PACRG: variants seen among roughly 807,000 people sequenced by gnomAD.
PACRG encodes parkin coregulated gene protein.
PACRG carries 29 observed loss-of-function variants against 29.7 expected under a neutral mutation model. That is an observed-to-expected ratio of 0.98 (90% CI 0.73 to 1.33). The LOEUF is 1.33. Ranked by LOEUF, PACRG falls within the 40% of genes most tolerant of loss-of-function variation. PACRG has a pLI of 0.00. For synonymous variants in PACRG, 116 were observed against 118.7 expected (o/e 0.98, Z 0.15); for missense variants, 279 against 316.2 (o/e 0.88, Z 0.89).
intron 4 of PACRG, among the ~76,000 whole-genome samples, chr6:163,197,652 T>A (rs1169131295): frequency 6.6e-6 from 1 of 151,796 alleles, no homozygotes. Flanking sequence ...GGTTTCACCG[T>A]GTTAGCCAGG....
upstream of PACRG, chr6:162,727,790 C>G: frequency 9.2e-7 from 1 of 1,090,136 alleles, no homozygotes; most frequent in East Asian, 2.6e-5. Flanking sequence ...CCCCCGCGCC[C>G]GGCCCTAGGA....
chr6:163,269,992 AAAGAAAGAAAGAAAGG>A lies in PACRG; in HGVS notation c.614-44833_614-44818del, dbSNP rs1184672146. Reference sequence around the variant, plus strand: ...GAAAGAAAGAAAGAAAGAAAGAAAGAAAGAAAGAAAGAAAGGAGGGAGGGAGGGAGGGAGGAAGGAA... The same window carrying A: ...GAAAGAAAGAAAGAAAGAAAGAAAGAAGGGAGGGAGGGAGGGAGGAAGGAA... On this transcript the variant is annotated intron_variant, in intron 4 of 4. Coordinates refer to ENST00000366888, the MANE Select transcript of PACRG (RefSeq NM_001080379.2). 3.0e-3 allele frequency among the ~76,000 whole-genome samples: 349 copies of A among 114,828 alleles called. 68 individuals are homozygous for A. Among genetic ancestry groups the A allele is most frequent in the African/African-American group, 0.011 (339 of 30,916 alleles). 75.3% of individuals were successfully genotyped at this position (114,828 alleles called of 152,430 possible).
intron 2 of PACRG, among the ~76,000 whole-genome samples, chr6:162,920,869 G>A (rs997212955): frequency 6.6e-6 from 1 of 151,802 alleles, no homozygotes; most frequent in African/African-American, 2.4e-5. Flanking sequence ...TAGATAATAG[G>A]GAGAACAAAT....
intron 2 of PACRG, among the ~76,000 whole-genome samples, chr6:162,838,668 T>A (rs999686897): frequency 2.0e-5 from 3 of 151,786 alleles, no homozygotes; most frequent in African/African-American, 4.8e-5. Flanking sequence ...TGTATACATA[T>A]GCCATGCTGG....
chr6:163,072,804 A>G (rs1420306813), intron 3 of PACRG, among the ~76,000 whole-genome samples: 1 of 152,186 alleles, frequency 6.6e-6, no homozygotes, highest in Non-Finnish European at 1.5e-5. Context: ...GCATTTCCAT[A>G]TACCAAGAGT....
At chr6:163,046,762 C>T (rs1026377526) in intron 2 of PACRG, 5 of 152,168 alleles carry the variant, frequency 3.3e-5, no homozygotes, top group Admixed American at 6.5e-5. Flanking sequence ...TAACTGGCCC[C>T]ATCTCTCCCT....
chr6:163,218,710 C>T (rs1781462443), intron 4 of PACRG, among the ~76,000 whole-genome samples: 1 of 152,206 alleles, frequency 6.6e-6, no homozygotes, highest in South Asian at 2.1e-4. Context: ...CTCCTCCCAG[C>T]TCACAGGTCG....
intron 1 of PACRG, among the ~76,000 whole-genome samples, chr6:162,753,378 T>C (rs1211764020): frequency 6.6e-6 from 1 of 152,024 alleles, no homozygotes; most frequent in Non-Finnish European, 1.5e-5. Flanking sequence ...GCCCTGATAA[T>C]TTCATGTAGC....
intron 4 of PACRG, among the ~76,000 whole-genome samples, chr6:163,259,292 A>G (rs1175731640): frequency 2.0e-5 from 3 of 152,222 alleles, no homozygotes; most frequent in African/African-American, 7.2e-5. Context: ...AATAACTGCT[A>G]TGGGGAGAGA....
intron 4 of PACRG, among the ~76,000 whole-genome samples, chr6:163,213,185 A>G (rs1243237964): frequency 6.6e-6 from 1 of 152,176 alleles, no homozygotes; most frequent in Non-Finnish European, 1.5e-5. Context: ...TCTGCCAGAA[A>G]TGCAAAACCT....
chr6:163,268,792 TTTTC>T (rs1783630568), intron 4 of PACRG, among the ~76,000 whole-genome samples: 1 of 152,210 alleles, frequency 6.6e-6, no homozygotes, highest in Non-Finnish European at 1.5e-5. Flanking sequence ...GCTATCATGT[TTTTC>T]TTTCTTTGAG....
chr6:162,892,540 C>T (rs1041337246), intron 2 of PACRG, among the ~76,000 whole-genome samples: 2 of 152,146 alleles, frequency 1.3e-5, no homozygotes, highest in African/African-American at 2.4e-5. Flanking sequence ...CCCAGGCCCA[C>T]GTGGTTAGTG....
At chr6:162,920,508 A>G (rs1004655098) in intron 2 of PACRG, among the ~76,000 whole-genome samples, 2 of 152,186 alleles carry the variant, frequency 1.3e-5, no homozygotes, top group South Asian at 2.1e-4. Context: ...TTGAGAAGTT[A>G]TGGATGGATG....
chr6:163,072,393 C>T (rs947638255), intron 3 of PACRG, among the ~76,000 whole-genome samples: 4 of 151,942 alleles, frequency 2.6e-5, no homozygotes, highest in African/African-American at 9.7e-5. Flanking sequence ...AAAATAAAAA[C>T]AAATGTTTAA....
intron 3 of PACRG, among the ~76,000 whole-genome samples, chr6:163,073,884 A>G (rs1812303439): frequency 6.6e-6 from 1 of 152,234 alleles, no homozygotes; most frequent in South Asian, 2.1e-4. Context: ...ATAATGAGAT[A>G]TCTTATCCCA....
At chr6:163,282,007 G>T (rs1396922511) in intron 4 of PACRG, among the ~76,000 whole-genome samples, 1 of 152,240 alleles carries the variant, frequency 6.6e-6, no homozygotes, top group African/African-American at 2.4e-5. Context: ...TAAATCAATA[G>T]AAATAGAAGC....
At chr6:163,227,217 A>G (rs973780198) in intron 4 of PACRG, among the ~76,000 whole-genome samples, 2 of 152,056 alleles carry the variant, frequency 1.3e-5, no homozygotes, top group Non-Finnish European at 2.9e-5. Flanking sequence ...GGAAGCTTCT[A>G]CTCACGATAG....
intron 4 of PACRG, among the ~76,000 whole-genome samples, chr6:163,247,050 C>G (rs1181604366): frequency 6.6e-6 from 1 of 152,148 alleles, no homozygotes. Context: ...AAAGAAAATG[C>G]AGTATAATGA....
intron 2 of PACRG, among the ~76,000 whole-genome samples, chr6:162,974,003 C>A (rs1801748082): frequency 6.6e-6 from 1 of 152,156 alleles, no homozygotes; most frequent in Admixed American, 6.6e-5. Flanking sequence ...TAAATTTTCT[C>A]AGGTACCCTT....
Sources: allele counts gnomAD v4.1 joint callset (sites outside exome capture counted in the v4.1 genomes callset), GRCh38; gene constraint gnomAD v4.1.1; transcripts MANE v1.5; gene names NCBI Gene and HGNC (gene_info 2026-07-23, HGNC 2026-07-21).